The following MCTP1 variants were observed in gnomAD, a reference collection of about 807,000 sequenced individuals.
MCTP1 encodes multiple C2 and transmembrane domain containing 1, also known as multiple C2 and transmembrane domain-containing protein 1.
A neutral mutation model predicts 120.6 loss-of-function variants in MCTP1; 69 were observed. The observed-to-expected ratio is 0.57, with a 90% CI of 0.47 to 0.70. The LOEUF is 0.70. Ranked by LOEUF, MCTP1 falls within the 30% of genes least tolerant of loss-of-function variation. The pLI is 0.00. For missense variants in MCTP1, 1,203 were observed against 1,248.8 expected (o/e 0.96, Z 0.55); for synonymous variants, 529 against 493.1 (o/e 1.07, Z -0.96).
At chr5:95,244,544 G>T (rs1272440856) in intron 1 of MCTP1, among the ~76,000 whole-genome samples, 1 of 152,238 alleles carries the variant, frequency 6.6e-6, no homozygotes, top group African/African-American at 2.4e-5. Flanking sequence ...GCCTGGCTTG[G>T]CAGGTCCTAT....
chr5:95,277,332 T>A (rs953032360), intron 1 of MCTP1, among the ~76,000 whole-genome samples: 2 of 152,196 alleles, frequency 1.3e-5, no homozygotes, highest in Non-Finnish European at 1.5e-5. Flanking sequence ...GCTTCTTGTC[T>A]GCCCAAGAAC....
chr5:95,168,971 G>T lies in MCTP1; in HGVS notation c.720+114885C>A, dbSNP rs1288439125. Among the ~76,000 whole-genome samples the T allele has an allele frequency of 2.6e-5, 4 of 152,228 alleles. No individual in the cohort carries two copies. In the East Asian group the frequency reaches 7.7e-4, roughly 29 times the overall value. ...TGGTGAGAGAGGGCATCCCTGTCTT[G>T]TGCCAGTTTTCAAAGGGAATGCTTC... is the stretch of plus-strand genomic sequence containing the variant. On this transcript the variant is annotated intron_variant, in intron 1 of 22. Coordinates refer to ENST00000515393, the MANE Select transcript of MCTP1 (RefSeq NM_024717.7).
At chr5:95,159,145 G>C (rs1745449243) in intron 1 of MCTP1, among the ~76,000 whole-genome samples, 1 of 152,008 alleles carries the variant, frequency 6.6e-6, no homozygotes, top group South Asian at 2.1e-4. Context: ...TTTTGTAAAG[G>C]GTTGTCAACT....
chr5:95,159,055 A>G, intron 1 of MCTP1, among the ~76,000 whole-genome samples: 1 of 152,214 alleles, frequency 6.6e-6, no homozygotes, highest in East Asian at 1.9e-4. Flanking sequence ...TGTTGACTTT[A>G]GGCAATCATA....
intron 2 of MCTP1, among the ~76,000 whole-genome samples, chr5:95,003,675 C>T (rs564715291): frequency 6.6e-6 from 1 of 152,328 alleles, no homozygotes; most frequent in South Asian, 2.1e-4. Flanking sequence ...ATGCTTGCTT[C>T]CCCTTTACCT....
chr5:95,154,407 C>A (rs1744865982), intron 1 of MCTP1: 1 of 151,666 alleles, frequency 6.6e-6, no homozygotes, highest in Non-Finnish European at 1.5e-5. Flanking sequence ...TATGTTAAAT[C>A]CCTTGGTATT....
At chr5:95,203,961 TACTA>T (rs1751347257) in intron 1 of MCTP1, among the ~76,000 whole-genome samples, 2 of 151,834 alleles carry the variant, frequency 1.3e-5, no homozygotes, top group Non-Finnish European at 2.9e-5. Flanking sequence ...ATGTGTAGAT[TACTA>T]ACTATGCAAA....
At chr5:94,949,529 T>C (rs919207252) in intron 3 of MCTP1, among the ~76,000 whole-genome samples, 29 of 151,818 alleles carry the variant, frequency 1.9e-4, no homozygotes, top group Non-Finnish European at 2.4e-4. Context: ...TTTTGTGTAG[T>C]TTTTTTTAAT....
At chr5:94,939,559 G>A (rs540255482) in intron 5 of MCTP1, among the ~76,000 whole-genome samples, 2 of 152,086 alleles carry the variant, frequency 1.3e-5, no homozygotes, top group East Asian at 1.9e-4. Context: ...GTGCAAGGAC[G>A]TACAGACAGC....
chr5:95,118,319 C>A (rs1367238957), intron 1 of MCTP1, among the ~76,000 whole-genome samples: 1 of 151,960 alleles, frequency 6.6e-6, no homozygotes, highest in African/African-American at 2.4e-5. Context: ...AAGTTCTTAT[C>A]AGCTTAAAGG....
At chr5:94,743,411 C>T (rs1766040712) in intron 19 of MCTP1, among the ~76,000 whole-genome samples, 1 of 151,608 alleles carries the variant, frequency 6.6e-6, no homozygotes, top group South Asian at 2.1e-4. Context: ...AAAAAGGAAG[C>T]TTGCAGCCTC....
At chr5:95,139,189 C>T (rs1759705822) in intron 1 of MCTP1, among the ~76,000 whole-genome samples, 1 of 151,984 alleles carries the variant, frequency 6.6e-6, no homozygotes, top group Non-Finnish European at 1.5e-5. Flanking sequence ...AAACTCTAAG[C>T]ATAGAAAATT....
At chr5:95,070,746 G>GAGGAGTACAAAGGAGTA (rs1751937710) in intron 1 of MCTP1, among the ~76,000 whole-genome samples, 1 of 152,216 alleles carries the variant, frequency 6.6e-6, no homozygotes, top group Non-Finnish European at 1.5e-5. Flanking sequence ...GGCAGTCCCA[G>GAGGAGTACAAAGGAGTA]CTGCGGCTTG....
At chr5:94,781,922 C>T (rs1249851904) in intron 18 of MCTP1, among the ~76,000 whole-genome samples, 3 of 152,124 alleles carry the variant, frequency 2.0e-5, no homozygotes, top group East Asian at 3.9e-4. Context: ...TAGTGAGGGC[C>T]TTTCCCCTCC....
At chr5:94,793,907 T>C (rs1054814084) in intron 18 of MCTP1, among the ~76,000 whole-genome samples, 7 of 152,242 alleles carry the variant, frequency 4.6e-5, no homozygotes, top group African/African-American at 1.7e-4. Flanking sequence ...AGGAGCTTTA[T>C]TTGTAGAGAT....
In MCTP1 at chr5:94,706,577, G is replaced by GTTTT. The variant is rs1561495586; in HGVS notation, c.*918_*919insAAAA. 8.3e-5 allele frequency: 7 copies of GTTTT among 84,408 alleles called. No homozygotes were observed. Among genetic ancestry groups the GTTTT allele is most frequent in the East Asian group, 9.6e-4 (2 of 2,094 alleles). 5.2% of individuals were successfully genotyped at this position (84,408 alleles called of 1,614,324 possible). On this transcript the variant is annotated 3_prime_UTR_variant, in exon 23 of 23. Transcript: ENST00000515393. ...ATTTCAGTAATCTAATGAGAAAGCA[G>GTTTT]GTTTTTTTTTTCTCTGAGAGCACTT...
chr5:94,908,697 T>A (rs899573331), intron 10 of MCTP1, among the ~76,000 whole-genome samples: 1 of 143,546 alleles, frequency 7.0e-6, no homozygotes, highest in African/African-American at 2.8e-5. Flanking sequence ...TAACCTTAAC[T>A]TTGTGAAAAA....
intron 17 of MCTP1, among the ~76,000 whole-genome samples, chr5:94,847,142 C>A (rs1792575213): frequency 6.6e-6 from 1 of 152,120 alleles, no homozygotes; most frequent in African/African-American, 2.4e-5. Context: ...AGAAACTTTA[C>A]CCTTCTCCTA....
intron 1 of MCTP1, among the ~76,000 whole-genome samples, chr5:95,097,988 G>A (rs1405863493): frequency 6.6e-6 from 1 of 152,110 alleles, no homozygotes; most frequent in Non-Finnish European, 1.5e-5. Flanking sequence ...TTAGCTTTGA[G>A]TAATAATAAT....
Sources: gnomAD v4.1 joint callset for allele counts (sites outside exome capture counted in the v4.1 genomes callset) on GRCh38, gnomAD v4.1.1 for gene constraint, MANE v1.5 for transcripts, NCBI Gene and HGNC (gene_info 2026-07-23, HGNC 2026-07-21) for gene names.